HDAC9: variants seen among roughly 807,000 people sequenced by gnomAD.
HDAC9 encodes the protein MEF-2 interacting transcription repressor (MITR) protein.
A neutral mutation model predicts 139.4 loss-of-function variants in HDAC9; 41 were observed. The observed-to-expected ratio is 0.29, with a 90% CI of 0.23 to 0.38. The LOEUF (loss-of-function observed/expected upper bound fraction) is 0.38. HDAC9 is among the 10% of genes least tolerant of loss of function. HDAC9 has a pLI of 1.00. For missense variants in HDAC9, 1,147 were observed against 1,297.0 expected (o/e 0.88, Z 1.78); for synonymous variants, 517 against 476.2 (o/e 1.09, Z -1.12).
At chr7:18,143,460 T>C (rs1786058691) in intron 1 of HDAC9, among the ~76,000 whole-genome samples, 1 of 152,144 alleles carries the variant, frequency 6.6e-6, no homozygotes, top group Non-Finnish European at 1.5e-5. Flanking sequence ...GTCATGTTTT[T>C]AAGTATGTAA....
chr7:18,506,505 A>T (rs1427965731), intron 2 of HDAC9, among the ~76,000 whole-genome samples: 1 of 152,112 alleles, frequency 6.6e-6, no homozygotes, highest in African/African-American at 2.4e-5. Context: ...TGATTCTATT[A>T]TTGAAAGTGT....
At chr7:18,930,067 C>A (rs968407281) in intron 22 of HDAC9, among the ~76,000 whole-genome samples, 4 of 152,130 alleles carry the variant, frequency 2.6e-5, no homozygotes, top group Non-Finnish European at 5.9e-5. Flanking sequence ...TCAGTGCATC[C>A]CAATATGAAC....
At chr7:18,877,738 A>T (rs1799426944) in intron 22 of HDAC9, among the ~76,000 whole-genome samples, 1 of 152,202 alleles carries the variant, frequency 6.6e-6, no homozygotes, top group African/African-American at 2.4e-5. Context: ...AGGTTGGTGT[A>T]ATCACCAATA....
intron 12 of HDAC9, chr7:18,667,291 T>C (rs2129078161): frequency 1.0e-6 from 1 of 985,036 alleles, no homozygotes; most frequent in Non-Finnish European, 1.2e-6. Context: ...AGATACAATA[T>C]TGTGTCTACA....
intron 22 of HDAC9, among the ~76,000 whole-genome samples, chr7:18,894,437 G>A (rs2129273503): frequency 6.6e-6 from 1 of 152,182 alleles, no homozygotes; most frequent in Non-Finnish European, 1.5e-5. Flanking sequence ...AGGAGCACAA[G>A]CCATTAGCTC....
chr7:18,673,170 C>A (rs1442772429), intron 12 of HDAC9, among the ~76,000 whole-genome samples: 1 of 151,928 alleles, frequency 6.6e-6, no homozygotes, highest in East Asian at 1.9e-4. Flanking sequence ...GACCTAGATA[C>A]CTGGGAGGTT....
At chr7:18,264,813 A>G (rs553828878) in intron 2 of HDAC9, among the ~76,000 whole-genome samples, 6 of 152,334 alleles carry the variant, frequency 3.9e-5, no homozygotes, top group East Asian at 1.9e-4. Flanking sequence ...CAGTTAGACA[A>G]AATCTTAACT....
intron 22 of HDAC9, among the ~76,000 whole-genome samples, chr7:18,923,189 C>CT (rs1186838568): frequency 6.6e-6 from 1 of 152,028 alleles, no homozygotes; most frequent in Non-Finnish European, 1.5e-5. Context: ...TAAAGTGCTA[C>CT]TTTTTTTATC....
chr7:18,369,133 T>C (rs1236200148), intron 1 of HDAC9, among the ~76,000 whole-genome samples: 3 of 152,100 alleles, frequency 2.0e-5, no homozygotes, highest in Admixed American at 6.6e-5. Flanking sequence ...TTTCCACATA[T>C]CTCTATTTAA....
chr7:18,309,075 T>C (rs747395789), intron 1 of HDAC9, among the ~76,000 whole-genome samples: 2 of 151,622 alleles, frequency 1.3e-5, no homozygotes, highest in Non-Finnish European at 2.9e-5. Context: ...ATTACCCACA[T>C]TTCAATGCAT....
intron 1 of HDAC9, chr7:18,325,529 G>T (rs1313588712): frequency 6.6e-6 from 1 of 151,922 alleles, no homozygotes; most frequent in East Asian, 1.9e-4. Context: ...GTCTTACTGT[G>T]TTGCCCAGGC....
intron 11 of HDAC9, among the ~76,000 whole-genome samples, chr7:18,661,381 A>C (rs1002582448): frequency 6.6e-6 from 1 of 152,106 alleles, no homozygotes; most frequent in Non-Finnish European, 1.5e-5. Context: ...GATCTAAGAA[A>C]ACAAGTTAAG....
At chr7:18,487,196 A>C (rs547389339) in intron 1 of HDAC9, among the ~76,000 whole-genome samples, 1 of 152,162 alleles carries the variant, frequency 6.6e-6, no homozygotes, top group African/African-American at 2.4e-5. Flanking sequence ...GGAAAGAAAA[A>C]TATCTACCAG....
chr7:18,376,189 C>T (rs1459516720), intron 1 of HDAC9, among the ~76,000 whole-genome samples: 3 of 151,978 alleles, frequency 2.0e-5, no homozygotes, highest in Non-Finnish European at 4.4e-5. Flanking sequence ...ATGATTAGAG[C>T]ATGACACTGA....
At chr7:18,989,833 C>T (rs993293081) in intron 25 of HDAC9, among the ~76,000 whole-genome samples, 2 of 140,576 alleles carry the variant, frequency 1.4e-5, no homozygotes, top group East Asian at 2.0e-4. Context: ...CCCTTTCTTC[C>T]AGTTGATCGC....
chr7:18,120,933 T>C (rs1441676406), intron 1 of HDAC9, among the ~76,000 whole-genome samples: 1 of 152,190 alleles, frequency 6.6e-6, no homozygotes, highest in Non-Finnish European at 1.5e-5. Flanking sequence ...ACTTCCACAC[T>C]GGCAGTAAGG....
intron 14 of HDAC9, among the ~76,000 whole-genome samples, chr7:18,756,462 C>T (rs1031330537): frequency 7.2e-5 from 11 of 152,198 alleles, no homozygotes; most frequent in Admixed American, 5.9e-4. Flanking sequence ...TAGCTGGACT[C>T]CTTTTGAAAA....
At chr7:18,807,136 C>G (rs1298410919) in intron 17 of HDAC9, among the ~76,000 whole-genome samples, 1 of 152,112 alleles carries the variant, frequency 6.6e-6, no homozygotes, top group Non-Finnish European at 1.5e-5. Context: ...CTTGCTGTTG[C>G]CTGCTTCAGA....
At chr7:18,203,328 T>A (rs1791273222) in intron 2 of HDAC9, among the ~76,000 whole-genome samples, 1 of 152,212 alleles carries the variant, frequency 6.6e-6, no homozygotes, top group African/African-American at 2.4e-5. Flanking sequence ...GTTGTCTTCA[T>A]TACTGGCACC....
Sources: gnomAD v4.1 joint callset for allele counts (sites outside exome capture counted in the v4.1 genomes callset) on GRCh38, gnomAD v4.1.1 for gene constraint, MANE v1.5 for transcripts, NCBI Gene and HGNC (gene_info 2026-07-23, HGNC 2026-07-21) for gene names.